Variants in LRRC8C observed in about 807,000 individuals in gnomAD.
LRRC8C encodes volume-regulated anion channel subunit LRRC8C.
Under a neutral mutation model 55.3 loss-of-function variants are expected in LRRC8C, and 20 were observed. The ratio of observed to expected loss-of-function variants is 0.36; its 90% CI spans 0.25 to 0.53. The LOEUF (loss-of-function observed/expected upper bound fraction) is 0.53. Among genes scored for constraint, LRRC8C ranks in the 20% least tolerant of loss-of-function variants. The pLI, the probability that LRRC8C is intolerant of heterozygous loss-of-function variation, is 0.92. For missense variants in LRRC8C, 659 were observed against 951.4 expected (o/e 0.69, Z 4.04); for synonymous variants, 376 against 360.7 (o/e 1.04, Z -0.48).
chr1:89,622,624 CGCCTG>C, the LRRC8C span, among the ~76,000 whole-genome samples: 1 of 152,058 alleles, frequency 6.6e-6, no homozygotes, highest in African/African-American at 2.4e-5. Context: ...TGAGCCACCG[CGCCTG>C]GCCTACATGT....
At chr1:89,659,365 A>G (rs1361414788) in intron 1 of LRRC8C, among the ~76,000 whole-genome samples, 3 of 152,124 alleles carry the variant, frequency 2.0e-5, no homozygotes, top group East Asian at 3.8e-4. Flanking sequence ...AACCAGTTCT[A>G]AAAACAGATT....
At chr1:89,683,724 AAGTT>A (rs964585269) in intron 1 of LRRC8C, among the ~76,000 whole-genome samples, 1 of 152,198 alleles carries the variant, frequency 6.6e-6, no homozygotes, top group Non-Finnish European at 1.5e-5. Context: ...TATCACAACT[AAGTT>A]AGTCAAGGTT....
At chr1:89,644,721 G>T (rs1245122114) in intron 1 of LRRC8C, among the ~76,000 whole-genome samples, 1 of 152,184 alleles carries the variant, frequency 6.6e-6, no homozygotes, top group Non-Finnish European at 1.5e-5. Flanking sequence ...AAAAGAGATT[G>T]CCCTCAAATC....
chr1:89,686,030 T>C (rs1291103970), intron 1 of LRRC8C, among the ~76,000 whole-genome samples: 2 of 141,664 alleles, frequency 1.4e-5, no homozygotes, highest in African/African-American at 2.7e-5. Context: ...ATGCTAAAAT[T>C]ACACTTAAAA....
intron 1 of LRRC8C, among the ~76,000 whole-genome samples, chr1:89,644,125 T>A (rs1463600180): frequency 6.6e-6 from 1 of 152,228 alleles, no homozygotes; most frequent in Non-Finnish European, 1.5e-5. Flanking sequence ...ACTCTTGAGT[T>A]TATAACAATT....
At position 89,660,119 on chromosome 1, in the gene LRRC8C, G is replaced by T. The variant is rs189359923; in HGVS notation, c.-4-26351G>T. Among the ~76,000 whole-genome samples the T allele has an allele frequency of 6.8e-3, 1,040 of 152,300 alleles. 11 individuals are homozygous for T. The highest frequency in any genetic ancestry group is 0.024 in the Middle Eastern group (7 of 294). On this transcript the variant is annotated intron_variant, in intron 1 of 2. Coordinates refer to ENST00000370454, the MANE Select transcript of LRRC8C (RefSeq NM_032270.5). ...CTGTGTGGGGAAGCCTGACAGTCCTGATGTGGTGATCTGGGAATGGGTGGT... is the reference window on the plus strand; with the variant it reads ...CTGTGTGGGGAAGCCTGACAGTCCTTATGTGGTGATCTGGGAATGGGTGGT...
chr1:89,647,387 A>G (rs1279196328), intron 1 of LRRC8C, among the ~76,000 whole-genome samples: 2 of 152,238 alleles, frequency 1.3e-5, no homozygotes, highest in Admixed American at 6.5e-5. Context: ...TGAGAAGGTC[A>G]TAGTATTGCC....
chr1:89,626,077 A>C, the LRRC8C span, among the ~76,000 whole-genome samples: 12 of 152,322 alleles, frequency 7.9e-5, no homozygotes, highest in African/African-American at 2.6e-4. Flanking sequence ...TTGTAGATTT[A>C]ATTAATAGGT....
At chr1:89,636,416 T>G (rs113448548) in intron 1 of LRRC8C, among the ~76,000 whole-genome samples, 4,113 of 152,346 alleles carry the variant, frequency 0.027, 187 homozygotes, top group African/African-American at 0.094. Flanking sequence ...CCTTTTTTGT[T>G]GTCTTGAGTC....
In LRRC8C at chr1:89,638,687, C is replaced by T. The variant is rs1277964760; in HGVS notation, c.-5+5365C>T. Among the ~76,000 whole-genome samples the T allele has an allele frequency of 2.0e-5, 3 of 152,074 alleles. No homozygotes were observed. The East Asian group carries it at 5.8e-4, about 29-fold the overall frequency. ...TACTTTATTGACCCTTCAGCTGAAA[C>T]TTACATGTAAAAATGTAAGGTTTCT... On this transcript the variant is annotated intron_variant, in intron 1 of 2. Coordinates refer to ENST00000370454, the MANE Select transcript of LRRC8C (RefSeq NM_032270.5).
the LRRC8C span, among the ~76,000 whole-genome samples, chr1:89,617,894 AG>A: frequency 6.6e-6 from 1 of 152,208 alleles, no homozygotes; most frequent in African/African-American, 2.4e-5. Flanking sequence ...AGACATACAT[AG>A]GGCAAGGTCA....
At chr1:89,656,693 A>T (rs1656952127) in intron 1 of LRRC8C, among the ~76,000 whole-genome samples, 1 of 152,202 alleles carries the variant, frequency 6.6e-6, no homozygotes, top group Non-Finnish European at 1.5e-5. Context: ...AAAATAGCAA[A>T]TGTTTTCAAG....
intron 1 of LRRC8C, among the ~76,000 whole-genome samples, chr1:89,673,391 A>AAGGTCTAG (rs1335858134): frequency 6.6e-6 from 1 of 152,182 alleles, no homozygotes; most frequent in African/African-American, 2.4e-5. Flanking sequence ...ATATATCTGC[A>AAGGTCTAG]AGGTCTAGAT....
At chr1:89,655,154 A>T (rs906359848) in intron 1 of LRRC8C, among the ~76,000 whole-genome samples, 2 of 151,878 alleles carry the variant, frequency 1.3e-5, no homozygotes, top group Admixed American at 1.3e-4. Context: ...GTGTCTGTAT[A>T]TTATTTTTCC....
At chr1:89,687,783 A>C (rs1490700364) in intron 2 of LRRC8C, among the ~76,000 whole-genome samples, 1 of 152,224 alleles carries the variant, frequency 6.6e-6, no homozygotes, top group Non-Finnish European at 1.5e-5. Flanking sequence ...CTGAATGGAA[A>C]TCAACGTATT....
Position 89,707,267 on chromosome 1 carries a change from T to A in LRRC8C, c.139-5442T>A, listed in dbSNP as rs185380170. Among the ~76,000 whole-genome samples the A allele has an allele frequency of 2.0e-4, 30 of 151,976 alleles. No individual in the cohort carries two copies. The East Asian group carries it at 5.6e-3, about 28-fold the overall frequency. On this transcript the variant is annotated intron_variant, in intron 2 of 2. Transcript: ENST00000370454. ...ACTAAAAATACAAAAATTAGTCGGG[T>A]GTGGTGGCACACACCTGTAGTCCCA... is the stretch of plus-strand genomic sequence containing the variant.
chr1:89,706,438 A>G, intron 2 of LRRC8C: 4 of 438,036 alleles, frequency 9.1e-6, no homozygotes, highest in Admixed American at 5.1e-5. Flanking sequence ...TTTTCTGGCA[A>G]CTGCCTAAAT....
At chr1:89,654,223 C>T (rs914520270) in intron 1 of LRRC8C, among the ~76,000 whole-genome samples, 6 of 152,054 alleles carry the variant, frequency 3.9e-5, no homozygotes, top group Admixed American at 1.3e-4. Context: ...AATGTGAACA[C>T]ATGGACATAG....
chr1:89,629,666 C>T (rs1186998131), upstream of LRRC8C: 11 of 152,136 alleles, frequency 7.2e-5, no homozygotes, highest in Non-Finnish European at 1.5e-5. Flanking sequence ...ATATCAGGTC[C>T]TGTGCAGGGT....
Sources: gnomAD v4.1 joint callset for allele counts (sites outside exome capture counted in the v4.1 genomes callset) on GRCh38, gnomAD v4.1.1 for gene constraint, MANE v1.5 for transcripts, NCBI Gene and HGNC (gene_info 2026-07-23, HGNC 2026-07-21) for gene names.